Variants in KCNH5 observed in about 807,000 individuals in gnomAD.
The protein encoded by KCNH5 is voltage-gated delayed rectifier potassium channel KCNH5.
In KCNH5, 46 loss-of-function variants were observed where a neutral mutation model predicts 96.1. The observed-to-expected ratio is 0.48, with a 90% confidence interval of 0.38 to 0.61. The LOEUF is 0.61. Among genes scored for constraint, KCNH5 ranks in the 20% least tolerant of loss-of-function variants. The probability of loss-of-function intolerance (pLI) is 0.00; values close to 1 mark genes in which losing one functional copy is unlikely to be tolerated. For synonymous variants in KCNH5, 439 were observed against 449.8 expected (o/e 0.98, Z 0.30); for missense variants, 907 against 1,225.8 (o/e 0.74, Z 3.88).
chr14:62,790,483 C>T (rs1886410370), intron 9 of KCNH5, among the ~76,000 whole-genome samples: 1 of 151,580 alleles, frequency 6.6e-6, no homozygotes, highest in Non-Finnish European at 1.5e-5. Context: ...ATGTATATTG[C>T]TTTGGCTAGT....
At chr14:62,914,294 A>G (rs4899102) in intron 7 of KCNH5, among the ~76,000 whole-genome samples, 151,926 of 152,180 alleles carry the variant, frequency 1, 75,837 homozygotes, top group Middle Eastern at 1. Context: ...TGGAAGCCCC[A>G]AAGCCACCCT....
chr14:62,911,347 C>T (rs1442376494), intron 7 of KCNH5, among the ~76,000 whole-genome samples: 1 of 148,734 alleles, frequency 6.7e-6, no homozygotes, highest in African/African-American at 2.5e-5. Context: ...GGCGCAATCT[C>T]GGCTCACTGC....
intron 7 of KCNH5, among the ~76,000 whole-genome samples, chr14:62,850,455 GC>G (rs1887781870): frequency 6.6e-6 from 1 of 152,162 alleles, no homozygotes; most frequent in Non-Finnish European, 1.5e-5. Context: ...CTTTGGCAAT[GC>G]CGAGAAATTC....
At chr14:62,985,933 A>C (rs185535557) in intron 5 of KCNH5, among the ~76,000 whole-genome samples, 1 of 152,230 alleles carries the variant, frequency 6.6e-6, no homozygotes, top group Non-Finnish European at 1.5e-5. Context: ...TTATTAACCA[A>C]CAGAACTATC....
intron 7 of KCNH5, among the ~76,000 whole-genome samples, chr14:62,894,036 G>T (rs749953545): frequency 6.6e-6 from 1 of 152,136 alleles, no homozygotes; most frequent in Non-Finnish European, 1.5e-5. Flanking sequence ...AGACTCAGAT[G>T]ATTTTTTGCA....
chr14:62,725,394 C>T (rs2130445), intron 10 of KCNH5, among the ~76,000 whole-genome samples: 141,716 of 152,200 alleles, frequency 0.93, 66,622 homozygotes, highest in Non-Finnish European at 1. Context: ...TATCTTTGGG[C>T]AGTGTGAGAA....
intron 3 of KCNH5, among the ~76,000 whole-genome samples, chr14:63,005,040 A>G (rs1891099618): frequency 6.6e-6 from 1 of 152,186 alleles, no homozygotes; most frequent in Non-Finnish European, 1.5e-5. Flanking sequence ...GTCTCCTACA[A>G]ATTATCAATA....
intron 10 of KCNH5, among the ~76,000 whole-genome samples, chr14:62,777,003 A>G (rs1886111493): frequency 6.6e-6 from 1 of 152,212 alleles, no homozygotes; most frequent in African/African-American, 2.4e-5. Context: ...ACACACCCTT[A>G]ACCAATGGCT....
At chr14:62,770,398 G>T (rs1433152173) in intron 10 of KCNH5, among the ~76,000 whole-genome samples, 1 of 152,136 alleles carries the variant, frequency 6.6e-6, no homozygotes, top group African/African-American at 2.4e-5. Flanking sequence ...CTGTGCTAAT[G>T]CCAGAGTGAA....
At chr14:62,850,029 G>A (rs1887773750) in intron 7 of KCNH5, among the ~76,000 whole-genome samples, 177 bp from the exon 8 acceptor site, 1 of 152,120 alleles carries the variant, frequency 6.6e-6, no homozygotes, top group African/African-American at 2.4e-5. Context: ...AACATTACCT[G>A]CAGTAGGAGA....
chr14:62,924,814 G>C (rs1308150862), intron 7 of KCNH5, among the ~76,000 whole-genome samples: 1 of 151,866 alleles, frequency 6.6e-6, no homozygotes, highest in African/African-American at 2.4e-5. Flanking sequence ...TTAGAAGTGG[G>C]GGAAATGGGG....
At chr14:63,011,736 T>C (rs1444456510) in intron 2 of KCNH5, among the ~76,000 whole-genome samples, 1 of 152,122 alleles carries the variant, frequency 6.6e-6, no homozygotes, top group Non-Finnish European at 1.5e-5. Flanking sequence ...TCAACACTTT[T>C]CATCAGTCTC....
Position 62,779,728 on chromosome 14 carries a change from C to T in KCNH5, c.2019G>A (p.Arg673=). The stretch of plus-strand genomic sequence containing the variant: ...GAAAAAGCAGACCCAGAGAACATAC[C>T]CGTTTCCTCAGATTGCAAGTAAGAG... ...NLTLTCNLRK[R]IIFRKISDVK... Residue 673 remains arginine (R), a splice_region_variant and synonymous_variant, in exon 10 of 11, where the codon CGG becomes CGA. Coordinates refer to ENST00000322893, the MANE Select transcript of KCNH5 (RefSeq NM_139318.5). 6.2e-7 allele frequency: 1 copy of T among 1,610,918 alleles called. No homozygotes were observed. The highest frequency in any genetic ancestry group is 8.5e-7 in the Non-Finnish European group (1 of 1,178,152).
chr14:63,025,620 C>CA (rs367748673), intron 1 of KCNH5, among the ~76,000 whole-genome samples: 113,495 of 146,284 alleles, frequency 0.78, 44,497 homozygotes, highest in South Asian at 0.88. Context: ...ACAATAGTAA[C>CA]AAAAAAAAAA....
rs1884448945 is a variant in KCNH5, at chr14:62,707,117, TAACAG to T, written c.*386_*390del. 6.6e-6 allele frequency: 1 copy of T among 152,518 alleles called. No individual in the cohort carries two copies. Among genetic ancestry groups the T allele is most frequent in the Non-Finnish European group, 1.5e-5 (1 of 68,254 alleles). The allele number at this position is 152,518 out of a possible 1,614,324, so 9.4% of individuals were successfully genotyped here. A position where few individuals can be genotyped will look rare whatever the true frequency, so the allele number is the denominator to read the frequency against. ...TTGGCATTAATCTATACTTTTAACT[TAACAG>T]AACAGTGAGAAAATGATAGCTCGAT... On this transcript the variant is annotated 3_prime_UTR_variant, in exon 11 of 11. Coordinates refer to ENST00000322893, the MANE Select transcript of KCNH5 (RefSeq NM_139318.5).
intron 10 of KCNH5, among the ~76,000 whole-genome samples, chr14:62,759,512 T>C (rs1174567271): frequency 7.7e-6 from 1 of 130,090 alleles, no homozygotes; most frequent in African/African-American, 2.6e-5. Context: ...AGCTGAAAAT[T>C]CAAATCCTTT....
At chr14:62,935,659 T>G (rs1216456881) in intron 7 of KCNH5, among the ~76,000 whole-genome samples, 7 of 152,192 alleles carry the variant, frequency 4.6e-5, no homozygotes, top group African/African-American at 1.4e-4. Context: ...TCCAGACGTC[T>G]TCTCCACCCT....
intron 10 of KCNH5, among the ~76,000 whole-genome samples, chr14:62,735,344 A>G (rs1417407700): frequency 6.6e-6 from 1 of 152,176 alleles, no homozygotes; most frequent in Non-Finnish European, 1.5e-5. Context: ...CAAAGCAGGC[A>G]GTGGGGAACA....
intron 7 of KCNH5, among the ~76,000 whole-genome samples, chr14:62,886,655 T>G (rs201636097): frequency 6.6e-6 from 1 of 152,192 alleles, no homozygotes; most frequent in Non-Finnish European, 1.5e-5. Context: ...AAAACTGACT[T>G]CATCAATCAT....
Sources: allele counts gnomAD v4.1 joint callset (sites outside exome capture counted in the v4.1 genomes callset), GRCh38; gene constraint gnomAD v4.1.1; transcripts MANE v1.5; gene names NCBI Gene and HGNC (gene_info 2026-07-23, HGNC 2026-07-21).